Variants in DCC observed in about 807,000 individuals in gnomAD.
DCC encodes the protein netrin receptor DCC.
DCC carries 58 observed loss-of-function variants against 172.5 expected under a neutral mutation model. That is an observed-to-expected ratio of 0.34 (90% CI 0.27 to 0.42). The LOEUF (loss-of-function observed/expected upper bound fraction) is 0.42, where lower values mean the gene tolerates loss of function less well. Ranked by LOEUF, DCC falls within the 10% of genes least tolerant of loss-of-function variation. The probability of loss-of-function intolerance (pLI) is 1.00; values close to 1 mark genes in which losing one functional copy is unlikely to be tolerated. For synonymous variants in DCC, 709 were observed against 644.5 expected (o/e 1.10, Z -1.52); for missense variants, 1,740 against 1,791.0 (o/e 0.97, Z 0.51).
chr18:52,716,134 G>A (rs967724160), intron 1 of DCC, among the ~76,000 whole-genome samples: 4 of 152,198 alleles, frequency 2.6e-5, no homozygotes, highest in Admixed American at 2.6e-4. Flanking sequence ...CTCTGCAGGG[G>A]CCCTTGCAAG....
chr18:53,003,787 A>G (rs1184907536), intron 5 of DCC, among the ~76,000 whole-genome samples: 2 of 152,070 alleles, frequency 1.3e-5, no homozygotes, highest in African/African-American at 4.8e-5. Flanking sequence ...CAGACATACC[A>G]TACACAGAGA....
At position 52,862,304 on chromosome 18, in the gene DCC, AAACACT is replaced by A. The variant is rs377131621; in HGVS notation, c.413-43739_413-43734del. On this transcript the variant is annotated intron_variant, in intron 2 of 28. Coordinates refer to ENST00000442544, the MANE Select transcript of DCC (RefSeq NM_005215.4). Reference sequence around the variant, plus strand: ...AAGTTCGTCAAATATCAAAGGTTTAAAACACTTCATATCAAAATAAGGAAAGTTAAA... The same window carrying A: ...AAGTTCGTCAAATATCAAAGGTTTAATCATATCAAAATAAGGAAAGTTAAA... Among the ~76,000 whole-genome samples, 37 of 152,300 alleles carry A rather than the reference AAACACT, an allele frequency of 2.4e-4. 1 individual carries two copies. The highest frequency in any genetic ancestry group is 8.4e-4 in the African/African-American group (35 of 41,548).
chr18:53,079,673 G>A (rs2042771122), intron 7 of DCC, among the ~76,000 whole-genome samples: 2 of 152,120 alleles, frequency 1.3e-5, no homozygotes, highest in South Asian at 4.1e-4. Flanking sequence ...TAGCACAAAG[G>A]AGAACTTAAA....
intron 13 of DCC, among the ~76,000 whole-genome samples, chr18:53,318,076 G>A (rs917388489): frequency 6.6e-6 from 1 of 151,982 alleles, no homozygotes; most frequent in South Asian, 2.1e-4. Context: ...TGATATTAGG[G>A]TGTCGATTTG....
chr18:53,402,925 C>G (rs755699962), intron 19 of DCC, 32 bp downstream of exon 19: 42 of 1,478,430 alleles, frequency 2.8e-5, no homozygotes, highest in Non-Finnish European at 4.0e-5. Context: ...CCCAGCATAG[C>G]TCTCCCTTGT....
intron 1 of DCC, among the ~76,000 whole-genome samples, chr18:52,721,003 G>A (rs1394122585): frequency 1.3e-5 from 2 of 152,110 alleles, no homozygotes; most frequent in Non-Finnish European, 1.5e-5. Flanking sequence ...CTAGTGTTAC[G>A]TGCGTGTGTA....
Position 52,927,157 on chromosome 18 carries a change from ACGTATATATG to A in DCC, c.985+1788_985+1797del, listed in dbSNP as rs1568192250. ...TATACGTGTATATATGTGTATATAT[ACGTATATATG>A]TGTATATATGTGTATATATACGTAT... is the stretch of plus-strand genomic sequence containing the variant. On this transcript the variant is annotated intron_variant, in intron 5 of 28. Transcript: ENST00000442544. Among the ~76,000 whole-genome samples the A allele has an allele frequency of 2.2e-4, 5 of 22,386 alleles. 1 individual carries two copies. Among genetic ancestry groups the A allele is most frequent in the African/African-American group, 5.5e-4 (5 of 9,050 alleles). The allele number at this position is 22,386 out of a possible 152,430, so 14.7% of individuals were successfully genotyped here. A position where few individuals can be genotyped will look rare whatever the true frequency, so the allele number is the denominator to read the frequency against.
chr18:52,803,008 G>A (rs2038022577), intron 2 of DCC, among the ~76,000 whole-genome samples: 1 of 152,064 alleles, frequency 6.6e-6, no homozygotes, highest in African/African-American at 2.4e-5. Flanking sequence ...AATACTGTAG[G>A]TTTATATCAT....
intron 2 of DCC, among the ~76,000 whole-genome samples, chr18:52,866,828 A>G (rs2039236224): frequency 6.6e-6 from 1 of 152,216 alleles, no homozygotes; most frequent in Non-Finnish European, 1.5e-5. Flanking sequence ...TCATCTGCAA[A>G]CAGACAATTT....
chr18:53,181,260 A>T (rs963777537), intron 9 of DCC, among the ~76,000 whole-genome samples: 1 of 152,194 alleles, frequency 6.6e-6, no homozygotes, highest in Non-Finnish European at 1.5e-5. Flanking sequence ...TTCAGAGCTG[A>T]CTAGTCATGA....
intron 7 of DCC, among the ~76,000 whole-genome samples, chr18:53,122,016 C>A (rs990562204): frequency 5.3e-5 from 8 of 151,928 alleles, no homozygotes; most frequent in Admixed American, 3.3e-4. Context: ...CTTCTAAGTG[C>A]CTAACAGCAA....
At chr18:53,257,137 G>A (rs4436844) in intron 12 of DCC, among the ~76,000 whole-genome samples, 130,856 of 152,148 alleles carry the variant, frequency 0.86, 56,599 homozygotes, top group Admixed American at 0.91. Context: ...TTTTCTAGAT[G>A]TACAATCATG....
At chr18:53,286,883 G>A (rs1166261550) in intron 12 of DCC, among the ~76,000 whole-genome samples, 1 of 152,052 alleles carries the variant, frequency 6.6e-6, no homozygotes, top group East Asian at 1.9e-4. Context: ...TGTCTATCTG[G>A]AGTCTTTGGC....
At position 52,703,305 on chromosome 18, in the gene DCC, G is replaced by A. The variant is rs143938748; in HGVS notation, c.92-48749G>A. Among the ~76,000 whole-genome samples, 189 of 152,108 alleles carry A rather than the reference G, an allele frequency of 1.2e-3. 1 individual carries two copies. The highest frequency in any genetic ancestry group is 4.1e-3 in the African/African-American group (170 of 41,510). ...AATCTTTCTTCTTTCCTTCTTGGAC[G>A]GAAAAGGCTCCTTCTTCATCCCCTA... On this transcript the variant is annotated intron_variant, in intron 1 of 28. Transcript: ENST00000442544.
chr18:53,144,374 A>G (rs978038404), intron 7 of DCC, among the ~76,000 whole-genome samples: 1 of 152,152 alleles, frequency 6.6e-6, no homozygotes, highest in Non-Finnish European at 1.5e-5. Flanking sequence ...GTAATTTATA[A>G]AGGAAAGAGG....
intron 1 of DCC, among the ~76,000 whole-genome samples, chr18:52,659,819 G>A (rs377406767): frequency 4.1e-4 from 63 of 151,966 alleles, no homozygotes; most frequent in East Asian, 1.7e-3. Context: ...AACAATGCAC[G>A]TTCATTGCAA....
Position 52,906,960 on chromosome 18 carries a change from G to C in DCC, c.697+632G>C, listed in dbSNP as rs999767439. On this transcript the variant is annotated intron_variant, in intron 3 of 28. Coordinates refer to ENST00000442544, the MANE Select transcript of DCC (RefSeq NM_005215.4). ...TGCCAGACAGAAAATGTGGTAAAGT[G>C]TGAAGAGTTCTCTTTTGTATATTCT... Among the ~76,000 whole-genome samples, 4 of 151,866 alleles carry C rather than the reference G, an allele frequency of 2.6e-5. No individual in the cohort carries two copies. In the East Asian group the frequency reaches 7.7e-4, roughly 29 times the overall value.
chr18:52,842,654 C>G (rs2038826192), intron 2 of DCC, among the ~76,000 whole-genome samples: 1 of 152,132 alleles, frequency 6.6e-6, no homozygotes, highest in Admixed American at 6.5e-5. Flanking sequence ...AACCATCACT[C>G]TTACTTAATC....
intron 5 of DCC, among the ~76,000 whole-genome samples, chr18:52,931,325 A>T (rs947935964): frequency 7.2e-5 from 11 of 152,156 alleles, no homozygotes; most frequent in African/African-American, 1.4e-4. Flanking sequence ...TTTACTTTTC[A>T]TAATTTTTAA....
Sources: gnomAD v4.1 joint callset for allele counts (sites outside exome capture counted in the v4.1 genomes callset) on GRCh38, gnomAD v4.1.1 for gene constraint, MANE v1.5 for transcripts, NCBI Gene and HGNC (gene_info 2026-07-23, HGNC 2026-07-21) for gene names.